FARS2: variants seen among roughly 807,000 people sequenced by gnomAD.
FARS2 encodes the protein phenylalanine--tRNA ligase, mitochondrial.
FARS2 carries 40 observed loss-of-function variants against 46.4 expected under a neutral mutation model. The observed-to-expected ratio is 0.86, with a 90% CI of 0.67 to 1.12. FARS2 has a LOEUF of 1.12. FARS2 is among the 50% of genes most tolerant of loss of function. FARS2 has a pLI of 0.00. For missense variants in FARS2, 513 were observed against 567.9 expected, an observed-to-expected ratio of 0.90 and a Z score of 0.98; for synonymous variants, 234 against 214.9, an observed-to-expected ratio of 1.09 and a Z score of -0.78.
intron 1 of FARS2, among the ~76,000 whole-genome samples, chr6:5,288,560 A>G (rs1440491137): frequency 6.6e-6 from 1 of 152,180 alleles, no homozygotes; most frequent in Non-Finnish European, 1.5e-5. Context: ...ACTGTTCTAG[A>G]ACACAGCCGT....
intron 4 of FARS2, among the ~76,000 whole-genome samples, chr6:5,458,383 G>GC (rs1266744303): frequency 1.3e-5 from 2 of 152,206 alleles, no homozygotes. Flanking sequence ...GGGCTGAGGA[G>GC]CACTGGAGCC....
rs796749849 is a variant in FARS2, at chr6:5,632,637, T to TCTTCCTTC, written c.1217+19332_1217+19339dup. On this transcript the variant is annotated intron_variant, in intron 6 of 6. Coordinates refer to ENST00000274680, the MANE Select transcript of FARS2 (RefSeq NM_006567.5). ...TCCTTTCCTCCCTCCCTCCCTCCCT[T>TCTTCCTTC]CTTCCTTCCTTCCTTCCTTCCTCCC... Among the ~76,000 whole-genome samples, 74 of 141,278 alleles carry TCTTCCTTC rather than the reference T, an allele frequency of 5.2e-4. 2 individuals are homozygous for TCTTCCTTC. In the East Asian group the frequency reaches 0.012, roughly 22 times the overall value. The allele number at this position is 141,278 out of a possible 152,430, so 92.7% of individuals were successfully genotyped here.
chr6:5,665,194 A>T (rs1205559945), intron 6 of FARS2: 1 of 152,326 alleles, frequency 6.6e-6, no homozygotes, highest in Non-Finnish European at 1.5e-5. Context: ...GATGGCCAGG[A>T]TGTTGACTGA....
intron 6 of FARS2, among the ~76,000 whole-genome samples, chr6:5,698,551 G>A (rs1474496874): frequency 1.3e-5 from 2 of 152,146 alleles, no homozygotes; most frequent in Non-Finnish European, 2.9e-5. Flanking sequence ...AACATGTGAG[G>A]TCTTGCCAAG....
chr6:5,331,806 C>T (rs940728079), intron 1 of FARS2, among the ~76,000 whole-genome samples: 4 of 152,162 alleles, frequency 2.6e-5, no homozygotes, highest in Non-Finnish European at 4.4e-5. Context: ...CCTCTATAGT[C>T]GCTGGTCTTG....
intron 6 of FARS2, among the ~76,000 whole-genome samples, chr6:5,763,205 TGCAG>T (rs1399326853): frequency 6.6e-6 from 1 of 152,142 alleles, no homozygotes; most frequent in Non-Finnish European, 1.5e-5. Context: ...TTTCTTCCTG[TGCAG>T]GCTCTGGGAA....
chr6:5,718,390 A>G (rs1178533089), intron 6 of FARS2, among the ~76,000 whole-genome samples: 6 of 152,206 alleles, frequency 3.9e-5, no homozygotes, highest in Non-Finnish European at 5.9e-5. Flanking sequence ...GTAGTTGTTG[A>G]GTAAATGAAT....
At chr6:5,313,605 T>C (rs1769244914) in intron 1 of FARS2, among the ~76,000 whole-genome samples, 1 of 152,158 alleles carries the variant, frequency 6.6e-6, no homozygotes, top group African/African-American at 2.4e-5. Context: ...TGAGCTATTT[T>C]GGGAAGGAGA....
rs544600120 is a variant in FARS2, at chr6:5,609,611, T to C, written c.1066-3558T>C. The stretch of plus-strand genomic sequence containing the variant: ...AGTTTCCAGAACCACTTCACCTCTT[T>C]GGCTGAAAGAAGCACTCACCATCTC... On this transcript the variant is annotated intron_variant, in intron 5 of 6. Coordinates refer to ENST00000274680, the MANE Select transcript of FARS2 (RefSeq NM_006567.5). 20 of 1,236,732 alleles carry C rather than the reference T, an allele frequency of 1.6e-5. No homozygotes were observed. In the East Asian group the frequency reaches 3.7e-4, roughly 23 times the overall value. The allele number at this position is 1,236,732 out of a possible 1,614,324, so 76.6% of individuals were successfully genotyped here.
At chr6:5,252,022 T>TA in the FARS2 span, among the ~76,000 whole-genome samples, 1 of 152,208 alleles carries the variant, frequency 6.6e-6, no homozygotes, top group Non-Finnish European at 1.5e-5. Flanking sequence ...CAATCACAGA[T>TA]ATCAGTGTTT....
intron 6 of FARS2, among the ~76,000 whole-genome samples, chr6:5,654,545 G>C (rs1188481812): frequency 6.6e-6 from 1 of 152,144 alleles, no homozygotes; most frequent in Non-Finnish European, 1.5e-5. Context: ...ACAAGGATGA[G>C]TGTAACACCG....
intron 4 of FARS2, among the ~76,000 whole-genome samples, chr6:5,480,198 C>G (rs1766370115): frequency 1.3e-5 from 2 of 152,202 alleles, no homozygotes; most frequent in Non-Finnish European, 1.5e-5. Context: ...TCAAGAAAAT[C>G]ATGATCGTCT....
intron 6 of FARS2, among the ~76,000 whole-genome samples, chr6:5,626,964 T>C (rs549539804): frequency 1.5e-3 from 236 of 152,332 alleles, no homozygotes; most frequent in African/African-American, 5.6e-3. Context: ...TTGAATACTG[T>C]AGGGAGTTGT....
At chr6:5,315,919 G>C (rs808813) in intron 1 of FARS2, among the ~76,000 whole-genome samples, 23,412 of 152,148 alleles carry the variant, frequency 0.15, 2,731 homozygotes, top group African/African-American at 0.33. Flanking sequence ...CTGCCTTACA[G>C]GGCATCAACA....
At chr6:5,462,863 C>T (rs1765318577) in intron 4 of FARS2, among the ~76,000 whole-genome samples, 1 of 152,192 alleles carries the variant, frequency 6.6e-6, no homozygotes, top group South Asian at 2.1e-4. Flanking sequence ...ATAGGAATTT[C>T]ATCGAATCTT....
At chr6:5,672,277 C>G (rs1313900437) in intron 6 of FARS2, among the ~76,000 whole-genome samples, 2 of 152,198 alleles carry the variant, frequency 1.3e-5, no homozygotes, top group South Asian at 4.1e-4. Context: ...CCCTAAGACT[C>G]TATCCAGGAC....
chr6:5,370,938 C>T (rs116371865), intron 2 of FARS2, among the ~76,000 whole-genome samples: 1 of 152,102 alleles, frequency 6.6e-6, no homozygotes, highest in Non-Finnish European at 1.5e-5. Context: ...TTCGTTTACT[C>T]CTCTTAATAA....
At chr6:5,505,548 A>G (rs1768049730) in intron 4 of FARS2, among the ~76,000 whole-genome samples, 1 of 152,216 alleles carries the variant, frequency 6.6e-6, no homozygotes, top group African/African-American at 2.4e-5. Context: ...GGAAATTATA[A>G]AAGTATTAAT....
At chr6:5,484,908 C>G (rs753004546) in intron 4 of FARS2, among the ~76,000 whole-genome samples, 3 of 152,170 alleles carry the variant, frequency 2.0e-5, no homozygotes, top group Non-Finnish European at 4.4e-5. Context: ...ACTCCTGGGG[C>G]TGTGTTTGTG....
Sources: gnomAD v4.1 joint callset for allele counts (sites outside exome capture counted in the v4.1 genomes callset) on GRCh38, gnomAD v4.1.1 for gene constraint, MANE v1.5 for transcripts, NCBI Gene and HGNC (gene_info 2026-07-23, HGNC 2026-07-21) for gene names.